KDR: variants seen among roughly 807,000 people sequenced by gnomAD.
The protein encoded by KDR is kinase insert domain receptor, also known as vascular endothelial growth factor receptor 2.
In KDR, 43 loss-of-function variants were observed where a neutral mutation model predicts 160.9. The observed-to-expected ratio is 0.27, with a 90% CI of 0.21 to 0.34. KDR has a LOEUF of 0.34. KDR is among the 10% of genes least tolerant of loss of function. The pLI, the probability that KDR is intolerant of heterozygous loss-of-function variation, is 1.00. For missense variants in KDR, 1,469 were observed against 1,666.4 expected, an observed-to-expected ratio of 0.88 and a Z score of 2.06; for synonymous variants, 617 against 600.1, an observed-to-expected ratio of 1.03 and a Z score of -0.41.
rs2110031474 is a variant in KDR, at chr4:55,114,915, T to A, written c.617A>T (p.Asp206Val). 6.2e-7 allele frequency: 1 copy of A among 1,613,926 alleles called. No homozygotes were observed. The highest frequency in any genetic ancestry group is 8.5e-7 in the Non-Finnish European group (1 of 1,179,838). The change falls in exon 5 of 30, where the codon GAT (aspartate) becomes GTT (valine). Residue 206 changes from aspartate to valine, a missense_variant. Coordinates refer to ENST00000263923, the MANE Select transcript of KDR (RefSeq NM_002253.4). ...GTACATAATAGACTGGTAACTTTCA[T>A]CATTAATTTTTGCTTCACAGAAGAC... ...GMVFCEAKIN[D>V]ESYQSIMYIV...
At chr4:55,116,020 A>G (rs1395526537) in intron 3 of KDR, among the ~76,000 whole-genome samples, 1 of 152,196 alleles carries the variant, frequency 6.6e-6, no homozygotes, top group Non-Finnish European at 1.5e-5. Context: ...TCTTTCTAAA[A>G]CCATGTTTAA....
chr4:55,111,255 C>G (rs575652895), intron 7 of KDR, among the ~76,000 whole-genome samples: 8 of 152,126 alleles, frequency 5.3e-5, no homozygotes, highest in African/African-American at 1.9e-4. Context: ...CTCTGGGTTC[C>G]GGGTTGATAT....
At chr4:55,098,872 T>C (rs1720231467) in intron 15 of KDR, 69 bp from the exon 16 acceptor site, 4 of 1,218,848 alleles carry the variant, frequency 3.3e-6, no homozygotes, top group Non-Finnish European at 4.8e-6. Context: ...AGATGACAAA[T>C]TTTAGCACTA....
At chr4:55,082,110 G>T in intron 28 of KDR, 69 bp from the exon 29 acceptor site, 1 of 1,096,278 alleles carries the variant, frequency 9.1e-7, no homozygotes, top group Non-Finnish European at 1.4e-6. Context: ...TAATTAAGCT[G>T]ATTTCTCAAC....
rs189919758 is a variant in KDR, at chr4:55,095,045, G to A, written c.2818-90C>T. The A allele has an allele frequency of 3.1e-6, 4 of 1,282,266 alleles. No homozygotes were observed. In the African/African-American group the frequency reaches 5.9e-5, roughly 19 times the overall value. The allele number at this position is 1,282,266 out of a possible 1,614,324, so 79.4% of individuals were successfully genotyped here. On this transcript the variant is annotated intron_variant, in intron 20 of 29. Transcript: ENST00000263923. ...CCTTTAAAATGTAGTAAACCATGGA[G>A]ATAATTGAAACTACTAAAAAGCAGA... is the stretch of plus-strand genomic sequence containing the variant.
chr4:55,104,802 A>T lies in KDR; in HGVS notation c.1828T>A (p.Trp610Arg), dbSNP rs1161286305. The change falls in exon 13 of 30, where the codon TGG becomes AGG. Residue 610 changes from tryptophan (W) to arginine (R), a missense_variant. Transcript: ENST00000263923. ...TPVCKNLDTL[W>R]KLNATMFSNS... The stretch of plus-strand genomic sequence containing the variant: ...GAGAACATGGTGGCATTCAATTTCC[A>T]AAGAGTATCCAAGTTCTTGCAAACA... 1 of 1,613,998 alleles carries T rather than the reference A, an allele frequency of 6.2e-7. No individual in the cohort carries two copies. Among genetic ancestry groups the T allele is most frequent in the South Asian group, 1.1e-5 (1 of 91,076 alleles).
chr4:55,116,743 C>T (rs958768567), intron 3 of KDR, among the ~76,000 whole-genome samples: 1 of 152,220 alleles, frequency 6.6e-6, no homozygotes, highest in African/African-American at 2.4e-5. Context: ...TAGCCCACCA[C>T]ATGCCATAGC....
chr4:55,102,589 T>A, intron 13 of KDR, 81 bp from the exon 14 acceptor site: 1 of 1,488,546 alleles, frequency 6.7e-7, no homozygotes, highest in Non-Finnish European at 9.3e-7. Flanking sequence ...TTTTAAACAG[T>A]TTAAATTTAG....
Position 55,125,367 on chromosome 4 carries a change from G to A in KDR, c.-74C>T. 6.6e-7 allele frequency: 1 copy of A among 1,515,862 alleles called. No homozygotes were observed. Among genetic ancestry groups the A allele is most frequent in the Non-Finnish European group, 8.9e-7 (1 of 1,118,936 alleles). 93.9% of individuals were successfully genotyped at this position (1,515,862 alleles called of 1,614,324 possible). A position where few individuals can be genotyped will look rare whatever the true frequency, so the allele number is the denominator to read the frequency against. On this transcript the variant is annotated 5_prime_UTR_variant, in exon 1 of 30. Transcript: ENST00000263923. ...TTCTCCCAGCGCCTGTCTAGAGAAG[G>A]AGGCGCGGAGGTGGAACTCGCGGCA...
intron 27 of KDR, among the ~76,000 whole-genome samples, chr4:55,086,914 G>A (rs1719879782): frequency 6.6e-6 from 1 of 152,174 alleles, no homozygotes; most frequent in Non-Finnish European, 1.5e-5. Context: ...AAATGAAGTA[G>A]TCCCAGCCTT....
chr4:55,104,969 G>C lies in KDR; in HGVS notation c.1661C>G (p.Thr554Ser). The change falls in exon 13 of 30, where the codon ACT becomes AGT. Residue 554 changes from threonine to serine, a missense_variant. Coordinates refer to ENST00000263923, the MANE Select transcript of KDR (RefSeq NM_002253.4). The part of the protein sequence containing the change: ...SFHVTRGPEI[T>S]LQPDMQPTEQ... ...AGTGGGCTGCATGTCAGGTTGCAAA[G>C]TAATTTCAGGACCCCCTAAAATGAA... is the stretch of plus-strand genomic sequence containing the variant. 6.2e-7 allele frequency: 1 copy of C among 1,613,658 alleles called. No homozygotes were observed. The highest frequency in any genetic ancestry group is 1.1e-5 in the South Asian group (1 of 91,068).
rs1455600770 is a variant in KDR at position 55,079,098 on chromosome 4, A to AG, written c.*842_*843insC. On this transcript the variant is annotated 3_prime_UTR_variant, in exon 30 of 30. Coordinates refer to ENST00000263923, the MANE Select transcript of KDR (RefSeq NM_002253.4). ...ACCAGAAGCTGGTTTGTGCAGTCAG[A>AG]ACTCTTCAACACGGCAGGGAGCCTT... The AG allele has an allele frequency of 4.3e-6, 1 of 233,276 alleles. No individual in the cohort carries two copies. The highest frequency in any genetic ancestry group is 2.2e-5 in the African/African-American group (1 of 45,348). 14.5% of individuals were successfully genotyped at this position (233,276 alleles called of 1,614,324 possible). A position where few individuals can be genotyped will look rare whatever the true frequency, so the allele number is the denominator to read the frequency against.
chr4:55,099,124 T>C (rs1056004163), intron 15 of KDR, among the ~76,000 whole-genome samples: 4 of 151,812 alleles, frequency 2.6e-5, no homozygotes, highest in African/African-American at 9.7e-5. Flanking sequence ...CAAGCGATTC[T>C]CCCCCCTCAG....
intron 26 of KDR, 84 bp from the exon 27 acceptor site, chr4:55,087,842 T>C (rs1283194519): frequency 7.7e-7 from 1 of 1,298,362 alleles, no homozygotes; most frequent in East Asian, 2.3e-5. Flanking sequence ...CACAGGGACT[T>C]CTTGGCTACA....
rs1017317175 is a variant in KDR, at chr4:55,078,801, T to C, written c.*1140A>G. The C allele has an allele frequency of 4.3e-6, 1 of 232,892 alleles. No homozygotes were observed. The highest frequency in any genetic ancestry group is 1.8e-4 in the South Asian group (1 of 5,528). 14.4% of individuals were successfully genotyped at this position (232,892 alleles called of 1,614,324 possible). ...TTAAAAGTCTAAATAATACAATAGATGTTATAATTTGGGCTATAAAATAAT... is the reference window on the plus strand; with the variant it reads ...TTAAAAGTCTAAATAATACAATAGACGTTATAATTTGGGCTATAAAATAAT... On this transcript the variant is annotated 3_prime_UTR_variant, in exon 30 of 30. Transcript: ENST00000263923.
At chr4:55,094,684 C>T in intron 21 of KDR, 118 bp downstream of exon 21, 1 of 967,116 alleles carries the variant, frequency 1.0e-6, no homozygotes. Flanking sequence ...ATTCAGGTCT[C>T]TTTCAAATTA....
intron 19 of KDR, 52 bp from the exon 20 acceptor site, chr4:55,095,717 C>A (rs1466476231): frequency 7.5e-7 from 1 of 1,332,454 alleles, no homozygotes; most frequent in East Asian, 2.3e-5. Context: ...ATATTCCTCA[C>A]TAAGCGTTTA....
At chr4:55,115,639 T>C (rs1176087913) in intron 3 of KDR, among the ~76,000 whole-genome samples, 1 of 152,078 alleles carries the variant, frequency 6.6e-6, no homozygotes, top group African/African-American at 2.4e-5. Context: ...TATATATCTG[T>C]GTGTATAAAA....
At chr4:55,113,721 CT>C (rs1229592595) in intron 6 of KDR, among the ~76,000 whole-genome samples, 2 of 152,178 alleles carry the variant, frequency 1.3e-5, no homozygotes, top group Non-Finnish European at 2.9e-5. Context: ...TGGATATAAA[CT>C]GCAGAAACAC....
Sources: gnomAD v4.1 joint callset for allele counts (sites outside exome capture counted in the v4.1 genomes callset) on GRCh38, gnomAD v4.1.1 for gene constraint, MANE v1.5 for transcripts, NCBI Gene and HGNC (gene_info 2026-07-23, HGNC 2026-07-21) for gene names.